TMEM135: variants seen among roughly 807,000 people sequenced by gnomAD.
TMEM135 encodes peroxisomal membrane protein 52.
In TMEM135, 30 loss-of-function variants were observed where a neutral mutation model predicts 60.3. The observed-to-expected ratio is 0.50, with a 90% CI of 0.37 to 0.68. TMEM135 has a LOEUF of 0.68. Ranked by LOEUF, TMEM135 falls within the 30% of genes least tolerant of loss-of-function variation. The pLI is 0.00. For synonymous variants in TMEM135, 190 were observed against 186.7 expected, an observed-to-expected ratio of 1.02 and a Z score of -0.14; for missense variants, 468 against 548.8, an observed-to-expected ratio of 0.85 and a Z score of 1.47.
At chr11:87,311,093 G>GTATATATATATGTCTA (rs1326535051) in intron 10 of TMEM135, among the ~76,000 whole-genome samples, 1 of 103,654 alleles carries the variant, frequency 9.6e-6, no homozygotes, top group Non-Finnish European at 2.1e-5. Flanking sequence ...TATTCTGTGG[G>GTATATATATATGTCTA]TATATATATA....
chr11:87,325,329 A>T lies in TMEM135; in HGVS notation c.*3996A>T, dbSNP rs1298022622. On this transcript the variant is annotated 3_prime_UTR_variant, in exon 15 of 15. Coordinates refer to ENST00000305494, the MANE Select transcript of TMEM135 (RefSeq NM_022918.4). ...TTGGCCATGATATAGCTAGTGTCAT[A>T]GGACTACAGCAGAGTAGTGAGTGAA... 1 of 454,022 alleles carries T rather than the reference A, an allele frequency of 2.2e-6. No individual in the cohort carries two copies. The highest frequency in any genetic ancestry group is 2.0e-5 in the African/African-American group (1 of 50,020). 28.1% of individuals were successfully genotyped at this position (454,022 alleles called of 1,614,324 possible).
At chr11:87,158,993 C>G (rs1219524533) in intron 5 of TMEM135, among the ~76,000 whole-genome samples, 1 of 152,032 alleles carries the variant, frequency 6.6e-6, no homozygotes, top group Non-Finnish European at 1.5e-5. Context: ...AACTTATCTT[C>G]TTTTATAGGA....
intron 7 of TMEM135, among the ~76,000 whole-genome samples, chr11:87,296,433 C>T (rs189145864): frequency 6.6e-6 from 1 of 152,260 alleles, no homozygotes; most frequent in Non-Finnish European, 1.5e-5. Flanking sequence ...ACTAATTTAA[C>T]ATCACACAAG....
intron 4 of TMEM135, among the ~76,000 whole-genome samples, chr11:87,112,853 C>A (rs756254617): frequency 1.3e-5 from 2 of 151,524 alleles, no homozygotes; most frequent in Non-Finnish European, 2.9e-5. Context: ...TTTAGTAGTA[C>A]CTCTCAGCAG....
intron 2 of TMEM135, among the ~76,000 whole-genome samples, chr11:87,069,544 G>A (rs1304604308): frequency 6.6e-6 from 1 of 152,048 alleles, no homozygotes; most frequent in Non-Finnish European, 1.5e-5. Flanking sequence ...TTGAGGTAGG[G>A]AACTCAGAAG....
At chr11:87,252,808 G>A (rs1459977506) in intron 6 of TMEM135, among the ~76,000 whole-genome samples, 2 of 150,716 alleles carry the variant, frequency 1.3e-5, no homozygotes, top group East Asian at 1.9e-4. Context: ...ATGTGTGTGT[G>A]TGTGTGTGTG....
At chr11:87,172,365 T>A (rs1591076370) in intron 5 of TMEM135, among the ~76,000 whole-genome samples, 1 of 151,910 alleles carries the variant, frequency 6.6e-6, no homozygotes. Context: ...GATTTTTGTA[T>A]GTAAAGTAGA....
At chr11:87,230,907 T>C (rs1277168911) in intron 5 of TMEM135, among the ~76,000 whole-genome samples, 1 of 152,102 alleles carries the variant, frequency 6.6e-6, no homozygotes, top group Admixed American at 6.6e-5. Context: ...CTGATTCCAG[T>C]CATGATTTGA....
At chr11:87,072,814 A>G (rs1473983240) in intron 3 of TMEM135, among the ~76,000 whole-genome samples, 1 of 152,260 alleles carries the variant, frequency 6.6e-6, no homozygotes, top group Non-Finnish European at 1.5e-5. Flanking sequence ...GTAAACAGTT[A>G]AAGTTTAAAG....
rs1025794418 is a variant in TMEM135 at position 87,282,959 on chromosome 11, G to C, written c.510-12823G>C. ...CACAGATTAAGTTCAAAATCTTTGA[G>C]AGGATGTAAGCTGGAGTATTTGAAA... On this transcript the variant is annotated intron_variant, in intron 6 of 14. Transcript: ENST00000305494. Among the ~76,000 whole-genome samples the C allele has an allele frequency of 3.1e-4, 47 of 152,142 alleles. 4 individuals are homozygous for C. Among genetic ancestry groups the C allele is most frequent in the Non-Finnish European group, 2.9e-5 (2 of 68,018 alleles).
At chr11:87,194,341 G>A (rs1263029920) in intron 5 of TMEM135, among the ~76,000 whole-genome samples, 2 of 152,182 alleles carry the variant, frequency 1.3e-5, no homozygotes, top group Non-Finnish European at 2.9e-5. Context: ...TTATGCTAAA[G>A]TTTGCAGTAT....
Position 87,318,194 on chromosome 11 carries a change from A to T in TMEM135, c.1135A>T (p.Thr379Ser). ...GKVPYFPHAD[T>S]IIYSISTAIC... ...GGTTCCCTATTTTCCTCATGCAGAT[A>T]CTATCATCTATTCCATCTCTACAGC... The change falls in exon 13 of 15, where the codon ACT (threonine) becomes TCT (serine). Residue 379 changes from threonine (T) to serine (S), a missense_variant. Transcript: ENST00000305494. 6.2e-7 allele frequency: 1 copy of T among 1,612,822 alleles called. No individual in the cohort carries two copies. The highest frequency in any genetic ancestry group is 8.5e-7 in the Non-Finnish European group (1 of 1,179,724).
chr11:87,075,361 A>C (rs998063141), intron 3 of TMEM135, among the ~76,000 whole-genome samples: 4 of 151,582 alleles, frequency 2.6e-5, no homozygotes, highest in Admixed American at 2.0e-4. Flanking sequence ...TCACAGTGTT[A>C]ACCAGGATGG....
At chr11:87,308,152 A>C (rs558650890) in intron 9 of TMEM135, among the ~76,000 whole-genome samples, 38 of 152,326 alleles carry the variant, frequency 2.5e-4, no homozygotes, top group African/African-American at 9.1e-4. Context: ...CCACAAAGGC[A>C]AGAACTCTGT....
intron 1 of TMEM135, among the ~76,000 whole-genome samples, chr11:87,056,314 C>G (rs917253834): frequency 1.7e-4 from 26 of 152,162 alleles, no homozygotes; most frequent in African/African-American, 9.7e-5. Flanking sequence ...TTTCCTAGCC[C>G]TCACTCAAAA....
At position 87,071,577 on chromosome 11, in the gene TMEM135, A is replaced by G. The variant is rs1286706297; in HGVS notation, c.324A>G (p.Pro108=). Residue 108 remains proline, a synonymous_variant, in exon 3 of 15, where the codon CCA becomes CCG. Transcript: ENST00000305494. ...CTCCTGGCTTTGGTGCCGCTCTGCC[A>G]GCATCTTATGTGGCCATTCTCATTG... ...SWTPGFGAAL[P]ASYVAILIER... is the part of the protein sequence containing the mutation. The G allele has an allele frequency of 1.2e-6, 2 of 1,614,066 alleles. No individual in the cohort carries two copies. Among genetic ancestry groups the G allele is most frequent in the Non-Finnish European group, 1.7e-6 (2 of 1,179,992 alleles).
intron 6 of TMEM135, among the ~76,000 whole-genome samples, chr11:87,248,061 T>A (rs1823270640): frequency 6.6e-6 from 1 of 151,746 alleles, no homozygotes; most frequent in Non-Finnish European, 1.5e-5. Context: ...TAGCATTCCA[T>A]CGTGAGTGTG....
intron 1 of TMEM135, among the ~76,000 whole-genome samples, chr11:87,059,853 C>G (rs950664549): frequency 6.6e-6 from 1 of 152,208 alleles, no homozygotes; most frequent in Admixed American, 6.5e-5. Context: ...TGGTGGCTCA[C>G]GCCTGTAATT....
intron 1 of TMEM135, among the ~76,000 whole-genome samples, chr11:87,066,411 C>A (rs889546560): frequency 6.6e-6 from 1 of 152,152 alleles, no homozygotes; most frequent in Non-Finnish European, 1.5e-5. Context: ...ATATTACTAA[C>A]ACTTAATCAG....
Sources: gnomAD v4.1 joint callset for allele counts (sites outside exome capture counted in the v4.1 genomes callset) on GRCh38, gnomAD v4.1.1 for gene constraint, MANE v1.5 for transcripts, NCBI Gene and HGNC (gene_info 2026-07-23, HGNC 2026-07-21) for gene names.